GRIA4: variants seen among roughly 807,000 people sequenced by gnomAD.
GRIA4 encodes glutamate ionotropic receptor AMPA type subunit 4, also known as glutamate receptor 4.
In GRIA4, 34 loss-of-function variants were observed where a neutral mutation model predicts 104.0. That is an observed-to-expected ratio of 0.33 (90% CI 0.25 to 0.44). The LOEUF is 0.44. Among genes scored for constraint, GRIA4 ranks in the 20% least tolerant of loss-of-function variants. GRIA4 has a pLI of 1.00. For synonymous variants in GRIA4, 386 were observed against 381.9 expected (o/e 1.01, Z -0.13); for missense variants, 750 against 1,096.5 (o/e 0.68, Z 4.46).
chr11:105,940,048 G>C (rs898947908), intron 14 of GRIA4, among the ~76,000 whole-genome samples: 1 of 152,056 alleles, frequency 6.6e-6, no homozygotes, highest in Non-Finnish European at 1.5e-5. Flanking sequence ...ACAGCGTGGT[G>C]GTAGAGTACA....
At chr11:105,716,099 A>T (rs1954080073) in intron 3 of GRIA4, among the ~76,000 whole-genome samples, 2 of 108,008 alleles carry the variant, frequency 1.9e-5, no homozygotes, top group South Asian at 5.4e-4. Context: ...CATGACTGTA[A>T]TTTCCCTAAA....
intron 3 of GRIA4, among the ~76,000 whole-genome samples, chr11:105,734,528 C>T (rs937657938): frequency 2.6e-5 from 4 of 152,048 alleles, no homozygotes; most frequent in South Asian, 2.1e-4. Context: ...CAGATGATTT[C>T]GCTCTCCTGT....
intron 3 of GRIA4, among the ~76,000 whole-genome samples, chr11:105,708,613 G>A (rs1265509756): frequency 6.6e-6 from 1 of 151,998 alleles, no homozygotes; most frequent in East Asian, 1.9e-4. Context: ...CCCAGATACG[G>A]TACACTAGTT....
At chr11:105,793,433 G>A (rs1416134785) in intron 4 of GRIA4, among the ~76,000 whole-genome samples, 1 of 152,138 alleles carries the variant, frequency 6.6e-6, no homozygotes, top group Non-Finnish European at 1.5e-5. Context: ...CATCAGAGAA[G>A]AGACCCATAG....
chr11:105,969,353 C>T (rs1210824302), intron 14 of GRIA4, among the ~76,000 whole-genome samples: 1 of 152,182 alleles, frequency 6.6e-6, no homozygotes, highest in African/African-American at 2.4e-5. Context: ...GAATGACTCT[C>T]CCAGTAATGA....
intron 14 of GRIA4, chr11:105,966,163 C>T: frequency 1.3e-6 from 1 of 765,638 alleles, no homozygotes; most frequent in Non-Finnish European, 2.2e-6. Flanking sequence ...AGTCGAATTG[C>T]TAGTCCAGTC....
intron 3 of GRIA4, among the ~76,000 whole-genome samples, chr11:105,724,378 T>C (rs10895865): frequency 1.5e-3 from 182 of 118,792 alleles, no homozygotes; most frequent in Middle Eastern, 0.012. Context: ...CCATTATATA[T>C]ACACACACAC....
Position 105,972,047 on chromosome 11 carries a change from G to A in GRIA4, c.2409+19G>A. 1 of 1,460,064 alleles carries A rather than the reference G, an allele frequency of 6.8e-7. No individual in the cohort carries two copies. Among genetic ancestry groups the A allele is most frequent in the Non-Finnish European group, 9.6e-7 (1 of 1,041,264 alleles). 90.4% of individuals were successfully genotyped at this position (1,460,064 alleles called of 1,614,324 possible). ...AAGCAAGGTCAGTCGCTGCAGTTCG[G>A]GGCCTCCTCTTGTGTTCACAAAGCA... On this transcript the variant is annotated intron_variant, in intron 15 of 16. Coordinates refer to ENST00000282499, the MANE Select transcript of GRIA4 (RefSeq NM_000829.4).
intron 3 of GRIA4, among the ~76,000 whole-genome samples, chr11:105,695,408 T>C (rs569270823): frequency 6.6e-6 from 1 of 152,198 alleles, no homozygotes; most frequent in East Asian, 1.9e-4. Context: ...GAGCTACTTA[T>C]GCTTTTCATC....
At chr11:105,790,806 GT>G (rs1248208906) in intron 4 of GRIA4, among the ~76,000 whole-genome samples, 2 of 152,164 alleles carry the variant, frequency 1.3e-5, no homozygotes, top group Admixed American at 6.5e-5. Flanking sequence ...GAAGAGCTAA[GT>G]CTGGAAAATG....
chr11:105,740,087 C>T (rs1254427574), intron 3 of GRIA4, among the ~76,000 whole-genome samples: 2 of 152,104 alleles, frequency 1.3e-5, no homozygotes, highest in Admixed American at 1.3e-4. Context: ...AACATAACAT[C>T]ACCCTGATAA....
intron 14 of GRIA4, among the ~76,000 whole-genome samples, chr11:105,934,435 T>C (rs12575492): frequency 0.09 from 13,755 of 152,202 alleles, 807 homozygotes; most frequent in Admixed American, 0.18. Flanking sequence ...ATGGCATCTT[T>C]CTATTGGAGA....
chr11:105,823,144 A>C (rs1198667565), intron 4 of GRIA4, among the ~76,000 whole-genome samples: 1 of 152,110 alleles, frequency 6.6e-6, no homozygotes, highest in East Asian at 1.9e-4. Flanking sequence ...ATTGTGATAA[A>C]GCAGGATTCA....
chr11:105,640,473 CACTT>C (rs1329569571), intron 3 of GRIA4, among the ~76,000 whole-genome samples: 3 of 151,750 alleles, frequency 2.0e-5, no homozygotes, highest in Non-Finnish European at 4.4e-5. Flanking sequence ...ATTTTATAGA[CACTT>C]AATTATAATA....
chr11:105,861,884 G>T, intron 4 of GRIA4, 140 bp from the exon 5 acceptor site: 1 of 606,474 alleles, frequency 1.6e-6, no homozygotes, highest in Non-Finnish European at 2.9e-6. Flanking sequence ...AAATTATTCA[G>T]AAATAACCAC....
At chr11:105,879,032 G>C (rs1945946861) in intron 5 of GRIA4, among the ~76,000 whole-genome samples, 1 of 152,212 alleles carries the variant, frequency 6.6e-6, no homozygotes, top group African/African-American at 2.4e-5. Flanking sequence ...AGACACCCGA[G>C]GGAATCTCCT....
chr11:105,934,100 T>TTCATATATTTTGGTCAACAA, intron 14 of GRIA4, 131 bp downstream of exon 14: 1 of 802,116 alleles, frequency 1.2e-6, no homozygotes, highest in Non-Finnish European at 1.9e-6. Flanking sequence ...TTTTCTCCAT[T>TTCATATATTTTGGTCAACAA]TCATATATTT....
chr11:105,890,275 T>C (rs564224226), intron 6 of GRIA4, among the ~76,000 whole-genome samples: 1 of 152,304 alleles, frequency 6.6e-6, no homozygotes, highest in African/African-American at 2.4e-5. Context: ...ATAGGTGTTC[T>C]TTAGATTCTT....
At chr11:105,759,567 C>T (rs1940503907) in intron 4 of GRIA4, among the ~76,000 whole-genome samples, 1 of 151,984 alleles carries the variant, frequency 6.6e-6, no homozygotes, top group Non-Finnish European at 1.5e-5. Context: ...GCTCCACAAT[C>T]TGTCTCCTGA....
Sources: gnomAD v4.1 joint callset for allele counts (sites outside exome capture counted in the v4.1 genomes callset) on GRCh38, gnomAD v4.1.1 for gene constraint, MANE v1.5 for transcripts, NCBI Gene and HGNC (gene_info 2026-07-23, HGNC 2026-07-21) for gene names.